The following GAPVD1 variants were observed in gnomAD, a reference collection of about 807,000 sequenced individuals.
The protein encoded by GAPVD1 is GTPase-activating protein and VPS9 domain-containing protein 1.
Under a neutral mutation model 155.5 loss-of-function variants are expected in GAPVD1, and 35 were observed. The ratio of observed to expected loss-of-function variants is 0.23; its 90% CI spans 0.17 to 0.30. The LOEUF (loss-of-function observed/expected upper bound fraction) is 0.30, where lower values mean the gene tolerates loss of function less well. GAPVD1 is among the 10% of genes least tolerant of loss of function. GAPVD1 has a pLI of 1.00. For missense variants in GAPVD1, 1,429 were observed against 1,775.7 expected (o/e 0.80, Z 3.51); for synonymous variants, 636 against 619.7 (o/e 1.03, Z -0.39).
intron 19 of GAPVD1, among the ~76,000 whole-genome samples, chr9:125,343,698 G>C (rs1338196562): frequency 6.6e-6 from 1 of 152,206 alleles, no homozygotes; most frequent in African/African-American, 2.4e-5. Context: ...CTCATGCCAG[G>C]CACTGTGCTA....
In GAPVD1 at chr9:125,350,330, C is replaced by T. The variant is rs777671932; in HGVS notation, c.3335C>T (p.Ser1112Phe). The T allele has an allele frequency of 6.3e-7, 1 of 1,592,272 alleles. No individual in the cohort carries two copies. Among genetic ancestry groups the T allele is most frequent in the Admixed American group, 1.9e-5 (1 of 51,998 alleles). ...AKKKLRLALC[S>F]ADSVAFPVLT... The stretch of plus-strand genomic sequence containing the variant: ...AAGAAACTGAGGCTTGCTCTTTGCT[C>T]TGCGGACTCTGTTGCCTTCCCAGTG... The change falls in exon 22 of 28, where the codon TCT (serine) becomes TTT (phenylalanine). Residue 1112 changes from serine (S) to phenylalanine (F), a missense_variant. Ser to Phe is a radical substitution (Grantham distance 155). Around this residue, in one of 4 missense-constraint regions of GAPVD1, gnomAD observed 699 missense variants for 826.0 expected, o/e 0.85. Transcript: ENST00000297933.
At position 125,337,350 on chromosome 9, in the gene GAPVD1, T is replaced by C; in HGVS notation, c.2636T>C (p.Leu879Ser). The change falls in exon 17 of 28, where the codon TTA (leucine) becomes TCA (serine). Residue 879 changes from leucine to serine, a missense_variant. Coordinates refer to ENST00000297933, the MANE Select transcript of GAPVD1 (RefSeq NM_001282680.3). Reference sequence around the variant, plus strand: ...TTGCCAAACTTTGGTTCCCATGTTTTAACTCCAGCTGAAATGGAGGCATTC... The same window carrying C: ...TTGCCAAACTTTGGTTCCCATGTTTCAACTCCAGCTGAAATGGAGGCATTC... ...ARLPNFGSHV[L>S]TPAEMEAFKQ... 1 of 1,614,176 alleles carries C rather than the reference T, an allele frequency of 6.2e-7. No individual in the cohort carries two copies. The highest frequency in any genetic ancestry group is 1.1e-5 in the South Asian group (1 of 91,076).
chr9:125,264,935 C>G lies in GAPVD1; in HGVS notation c.-199+2976C>G, dbSNP rs1335041648. Among the ~76,000 whole-genome samples, 2 of 152,008 alleles carry G rather than the reference C, an allele frequency of 1.3e-5. 1 individual carries two copies. The highest frequency in any genetic ancestry group is 4.1e-4 in the South Asian group (2 of 4,822). On this transcript the variant is annotated intron_variant, in intron 1 of 27. Coordinates refer to ENST00000297933, the MANE Select transcript of GAPVD1 (RefSeq NM_001282680.3). ...GTTTCACCATGTTGGTCAGGCTGGC[C>G]TCGAACCTCCTGACCTTAAGTGATC...
chr9:125,283,103 A>G (rs1192390189), intron 2 of GAPVD1, among the ~76,000 whole-genome samples: 1 of 150,892 alleles, frequency 6.6e-6, no homozygotes, highest in Non-Finnish European at 1.5e-5. Context: ...TCTGTCGCCC[A>G]GGCTGGAGTG....
Position 125,336,145 on chromosome 9 carries a change from C to CAAAA in GAPVD1, c.2429-860_2429-857dup, listed in dbSNP as rs770093537. ...GGGTGACAGAGCAAGACTTTGTCTC[C>CAAAA]AAAAAAAAAAAAAAAAGCCTGAGAC... On this transcript the variant is annotated intron_variant, in intron 15 of 27. Coordinates refer to ENST00000297933, the MANE Select transcript of GAPVD1 (RefSeq NM_001282680.3). Among the ~76,000 whole-genome samples, 34 of 69,240 alleles carry CAAAA rather than the reference C, an allele frequency of 4.9e-4. No homozygotes were observed. In the East Asian group the frequency reaches 0.011, roughly 22 times the overall value. The allele number at this position is 69,240 out of a possible 152,430, so 45.4% of individuals were successfully genotyped here.
intron 11 of GAPVD1, among the ~76,000 whole-genome samples, chr9:125,325,460 T>C (rs1034369779): frequency 1.5e-5 from 2 of 132,870 alleles, no homozygotes; most frequent in African/African-American, 2.9e-5. Context: ...AGGCAGAGCT[T>C]AGTGAGCAGA....
chr9:125,294,326 C>T (rs1839475222), intron 2 of GAPVD1, among the ~76,000 whole-genome samples: 1 of 151,392 alleles, frequency 6.6e-6, no homozygotes, highest in African/African-American at 2.4e-5. Flanking sequence ...CAGGCATGAG[C>T]CACTGCGCCC....
At chr9:125,283,385 C>G (rs958032935) in intron 2 of GAPVD1, among the ~76,000 whole-genome samples, 2 of 151,538 alleles carry the variant, frequency 1.3e-5, no homozygotes, top group African/African-American at 4.9e-5. Context: ...TAGACAGGGT[C>G]GTGCTGTGTT....
At chr9:125,307,618 G>A (rs1203456883) in intron 7 of GAPVD1, 71 bp downstream of exon 7, 2 of 1,560,528 alleles carry the variant, frequency 1.3e-6, no homozygotes, top group African/African-American at 2.7e-5. Context: ...ACATACATGA[G>A]TACATTGTGT....
intron 10 of GAPVD1, among the ~76,000 whole-genome samples, chr9:125,322,088 CAG>C (rs1477725810): frequency 6.6e-6 from 1 of 151,140 alleles, no homozygotes; most frequent in Non-Finnish European, 1.5e-5. Context: ...TTTTTTGAGA[CAG>C]AGTCTCGTTC....
At chr9:125,319,158 A>T (rs1843896783) in intron 9 of GAPVD1, among the ~76,000 whole-genome samples, 1 of 151,818 alleles carries the variant, frequency 6.6e-6, no homozygotes. Flanking sequence ...CCTAGGTGAA[A>T]GATTGAGACT....
At chr9:125,315,761 G>T (rs1396259180) in intron 9 of GAPVD1, among the ~76,000 whole-genome samples, 1 of 152,004 alleles carries the variant, frequency 6.6e-6, no homozygotes, top group Non-Finnish European at 1.5e-5. Context: ...ACACCAGGGG[G>T]CACAAAGGCT....
chr9:125,272,236 C>T (rs1835034773), intron 2 of GAPVD1, among the ~76,000 whole-genome samples: 1 of 152,110 alleles, frequency 6.6e-6, no homozygotes, highest in African/African-American at 2.4e-5. Context: ...CTTGGCCAGG[C>T]TGGTCTTGAA....
At chr9:125,289,119 T>G (rs1029927827) in intron 2 of GAPVD1, among the ~76,000 whole-genome samples, 1 of 152,184 alleles carries the variant, frequency 6.6e-6, no homozygotes, top group Non-Finnish European at 1.5e-5. Flanking sequence ...TGTCTTGAAA[T>G]TATTGATACT....
At chr9:125,286,962 T>A (rs1314698005) in intron 2 of GAPVD1, among the ~76,000 whole-genome samples, 1 of 152,062 alleles carries the variant, frequency 6.6e-6, no homozygotes, top group African/African-American at 2.4e-5. Context: ...GGGGTGCCTG[T>A]AATCCTAGCT....
chr9:125,343,090 C>A (rs1389269010), intron 19 of GAPVD1, among the ~76,000 whole-genome samples: 1 of 152,130 alleles, frequency 6.6e-6, no homozygotes, highest in Non-Finnish European at 1.5e-5. Context: ...TTTGTTCAAC[C>A]CACGGACCGC....
At chr9:125,268,194 A>ACCC (rs34598150) in intron 1 of GAPVD1, among the ~76,000 whole-genome samples, 7 of 112,414 alleles carry the variant, frequency 6.2e-5, no homozygotes, top group African/African-American at 2.4e-4. Flanking sequence ...CAAACAAACA[A>ACCC]CCCCCCCCCC....
intron 25 of GAPVD1, among the ~76,000 whole-genome samples, chr9:125,356,713 C>T (rs1376930586): frequency 2.6e-5 from 4 of 152,150 alleles, no homozygotes; most frequent in African/African-American, 9.7e-5. Context: ...ACTCTGCTGC[C>T]TAGGCTGGAG....
At chr9:125,335,459 C>T (rs758380018) in intron 15 of GAPVD1, among the ~76,000 whole-genome samples, 39 of 151,994 alleles carry the variant, frequency 2.6e-4, no homozygotes, top group Admixed American at 6.6e-4. Flanking sequence ...AGGCGGATTA[C>T]GAGGTCAGGA....
Sources: gnomAD v4.1 joint callset for allele counts (sites outside exome capture counted in the v4.1 genomes callset) on GRCh38, gnomAD v4.1.1 for gene constraint, gnomAD v4.1.1 regional missense constraint, MANE v1.5 for transcripts, NCBI Gene and HGNC (gene_info 2026-07-23, HGNC 2026-07-21) for gene names.